TSC2: variants seen among roughly 807,000 people sequenced by gnomAD.
The protein encoded by TSC2 is tuberin.
Under a neutral mutation model 202.2 loss-of-function variants are expected in TSC2, and 29 were observed. The ratio of observed to expected loss-of-function variants is 0.14; its 90% CI spans 0.11 to 0.20. The LOEUF is 0.20. Ranked by LOEUF, TSC2 falls within the 10% of genes least tolerant of loss-of-function variation. TSC2 has a pLI of 1.00. For synonymous variants in TSC2, 1,349 were observed against 1,044.0 expected (o/e 1.29, Z -5.63); for missense variants, 2,429 against 2,420.0 (o/e 1.00, Z -0.08).
chr16:2,086,605 A>C lies in TSC2; in HGVS notation c.4850-127A>C, dbSNP rs1200255434. 2.0e-6 allele frequency: 3 copies of C among 1,477,386 alleles called. No individual in the cohort carries two copies. The African/African-American group carries it at 4.2e-5, about 21-fold the overall frequency. 91.5% of individuals were successfully genotyped at this position (1,477,386 alleles called of 1,614,324 possible). On this transcript the variant is annotated intron_variant, in intron 37 of 41. Transcript: ENST00000219476. ...TGGGGAGAGCCGAGGACCACTGGCC[A>C]GGCACCAGAGGACGTGGTCCCCGCA...
rs763863196 is a variant in TSC2 at position 2,070,487 on chromosome 16, C to T, written c.1748C>T (p.Ala583Val). 2.5e-6 allele frequency: 4 copies of T among 1,613,438 alleles called. No individual in the cohort carries two copies. Among genetic ancestry groups the T allele is most frequent in the Non-Finnish European group, 3.4e-6 (4 of 1,180,020 alleles). The part of the protein sequence containing the change: ...TKLYTLPASH[A>V]TRVYEMLVSH... ...CTGTACACCCTGCCTGCAAGCCACG[C>T]CACGCGTGTGTATGAGATGCTGGTC... is the stretch of plus-strand genomic sequence containing the variant. The change falls in exon 17 of 42, where the codon GCC becomes GTC. Residue 583 changes from alanine (A) to valine (V), a missense_variant. Coordinates refer to ENST00000219476, the MANE Select transcript of TSC2 (RefSeq NM_000548.5).
At chr16:2,077,023 C>T (rs192860045) in intron 25 of TSC2, among the ~76,000 whole-genome samples, 71 of 152,358 alleles carry the variant, frequency 4.7e-4, no homozygotes, top group Middle Eastern at 3.4e-3. Context: ...CTCCTGTCCC[C>T]CACCTTCCTG....
intron 13 of TSC2, 79 bp downstream of exon 13, chr16:2,062,679 C>G: frequency 6.9e-7 from 1 of 1,440,474 alleles, no homozygotes; most frequent in Non-Finnish European, 9.5e-7. Flanking sequence ...GGCTGGGTCT[C>G]AGGATGCCCG....
chr16:2,053,156 C>A (rs1418696656), intron 3 of TSC2, among the ~76,000 whole-genome samples, 186 bp from the exon 4 acceptor site: 3 of 152,150 alleles, frequency 2.0e-5, no homozygotes, highest in African/African-American at 7.2e-5. Flanking sequence ...TGAGCCGTTC[C>A]CTGTACGAAG....
Position 2,086,743 on chromosome 16 carries a change from A to G in TSC2, c.4861A>G (p.Ile1621Val), listed in dbSNP as rs1555516628. ...CTGCTCACCCTCAGCCGTCTTCCACATCGCCACCCTGATGCCCACCAAGGA... is the reference window on the plus strand; with the variant it reads ...CTGCTCACCCTCAGCCGTCTTCCACGTCGCCACCCTGATGCCCACCAAGGA... ...HDDIMQAVFH[I>V]ATLMPTKDVD... The change falls in exon 38 of 42, where the codon ATC (isoleucine) becomes GTC (valine). Residue 1621 changes from isoleucine to valine, a missense_variant. Coordinates refer to ENST00000219476, the MANE Select transcript of TSC2 (RefSeq NM_000548.5). 3.1e-6 allele frequency: 5 copies of G among 1,610,632 alleles called. No homozygotes were observed. The highest frequency in any genetic ancestry group is 4.2e-6 in the Non-Finnish European group (5 of 1,179,928).
At position 2,084,974 on chromosome 16, in the gene TSC2, A is replaced by G. The variant is rs2090581620; in HGVS notation, c.4517A>G (p.His1506Arg). 1 of 1,613,142 alleles carries G rather than the reference A, an allele frequency of 6.2e-7. No individual in the cohort carries two copies. The highest frequency in any genetic ancestry group is 1.7e-4 in the Middle Eastern group (1 of 6,060). The change falls in exon 35 of 42, where the codon CAT becomes CGT. Residue 1506 changes from histidine to arginine, a missense_variant. Physicochemically the swap from His to Arg is conservative, Grantham distance 29. Coordinates refer to ENST00000219476, the MANE Select transcript of TSC2 (RefSeq NM_000548.5). The part of the protein sequence containing the change: ...NPSFVFLQLY[H>R]SPFFGDESNK... ...AGTTTCGTGTTCCTGCAGCTCTACCATTCCCCCTTCTTTGGCGACGAGTCA... is the reference window on the plus strand; with the variant it reads ...AGTTTCGTGTTCCTGCAGCTCTACCGTTCCCCCTTCTTTGGCGACGAGTCA...
At chr16:2,069,412 G>T (rs2087877894) in intron 16 of TSC2, among the ~76,000 whole-genome samples, 1 of 151,978 alleles carries the variant, frequency 6.6e-6, no homozygotes, top group African/African-American at 2.4e-5. Flanking sequence ...CGCCTCCTGG[G>T]TTCAAGCGAT....
At chr16:2,063,081 G>C (rs564986177) in intron 14 of TSC2, 28 bp downstream of exon 14, 2 of 1,550,832 alleles carry the variant, frequency 1.3e-6, no homozygotes, top group Non-Finnish European at 1.7e-6. Flanking sequence ...CGCAGCTGGG[G>C]GCTCAGGGCT....
At chr16:2,076,939 G>A (rs2089472546) in intron 25 of TSC2, among the ~76,000 whole-genome samples, 1 of 152,222 alleles carries the variant, frequency 6.6e-6, no homozygotes, top group Non-Finnish European at 1.5e-5. Context: ...CTTCATCACC[G>A]CCGCCTTGCC....
rs58192244 is a variant in TSC2, at chr16:2,080,491, G to GT, written c.3610+124dup. ...CTTGGGATATTTGGGGGTAACTTTT[G>GT]TTTTTTTTTTGAGACAGAGTCTTGC... On this transcript the variant is annotated intron_variant, in intron 30 of 41. Coordinates refer to ENST00000219476, the MANE Select transcript of TSC2 (RefSeq NM_000548.5). 0.061 allele frequency: 60,483 copies of GT among 998,450 alleles called. 1,681 individuals carry two copies. The highest frequency in any genetic ancestry group is 0.27 in the African/African-American group (16,179 of 60,146). The allele number at this position is 998,450 out of a possible 1,614,324, so 61.8% of individuals were successfully genotyped here. A position where few individuals can be genotyped will look rare whatever the true frequency, so the allele number is the denominator to read the frequency against.
At chr16:2,088,348 A>C (rs2151634047) in intron 41 of TSC2, 23 bp downstream of exon 41, 1 of 1,612,444 alleles carries the variant, frequency 6.2e-7, no homozygotes, top group Non-Finnish European at 8.5e-7. Context: ...GGGCTCCCTC[A>C]GCGGGGTGTG....
chr16:2,078,275 C>T lies in TSC2; in HGVS notation c.2966+549C>T, dbSNP rs572081646. On this transcript the variant is annotated intron_variant, in intron 26 of 41. Transcript: ENST00000219476. ...GTGTCTGGGTGCAGGTGTGGGCTCTCGGGCTCTCGGCTGTCACCTGCCTGT... is the reference window on the plus strand; with the variant it reads ...GTGTCTGGGTGCAGGTGTGGGCTCTTGGGCTCTCGGCTGTCACCTGCCTGT... 8.5e-4 allele frequency: 141 copies of T among 165,788 alleles called. 2 individuals carry two copies. The South Asian group carries it at 9.8e-3, about 11-fold the overall frequency. 10.3% of individuals were successfully genotyped at this position (165,788 alleles called of 1,614,324 possible).
chr16:2,078,798 T>G (rs2089746350), intron 26 of TSC2: 1 of 590,496 alleles, frequency 1.7e-6, no homozygotes, highest in African/African-American at 1.9e-5. Flanking sequence ...TCTAGCCTCC[T>G]GAGTCTGCTC....
rs1418578535 is a variant in TSC2, at chr16:2,048,045, A to G, written c.-50A>G. 33 of 1,425,938 alleles carry G rather than the reference A, an allele frequency of 2.3e-5. No individual in the cohort carries two copies. The highest frequency in any genetic ancestry group is 4.6e-6 in the Non-Finnish European group (5 of 1,097,378). The allele number at this position is 1,425,938 out of a possible 1,614,324, so 88.3% of individuals were successfully genotyped here. On this transcript the variant is annotated 5_prime_UTR_variant, in exon 1 of 42. Transcript: ENST00000219476. ...CTTTCTCCGCGTCGGGGCGGCCCGG[A>G]GCGCGGTGGCGCGGCGCGGGGTAAG...
intron 15 of TSC2, chr16:2,064,663 G>C: frequency 1.5e-6 from 1 of 649,162 alleles, no homozygotes; most frequent in Non-Finnish European, 2.6e-6. Context: ...GGACAGCTGG[G>C]CTGGGCCTCC....
At chr16:2,077,223 C>T (rs958167860) in intron 25 of TSC2, among the ~76,000 whole-genome samples, 16 of 152,314 alleles carry the variant, frequency 1.1e-4, no homozygotes, top group African/African-American at 2.9e-4. Flanking sequence ...GCCTCAGTGC[C>T]GCCTCGGTCA....
rs2089820591 is a variant in TSC2 at position 2,079,269 on chromosome 16, C to T, written c.3132-7C>T. On this transcript the variant is annotated splice_region_variant and splice_polypyrimidine_tract_variant and intron_variant, in intron 27 of 41. Transcript: ENST00000219476. The surrounding 1 kb of genome is among the most constrained non-coding windows in gnomAD (Gnocchi z 4.6). ...GCAAGCTGGGTTTCACGCTCCCTGT[C>T]TTCTAGGTCTCCTGTGGGCGAGTTC... 2.5e-6 allele frequency: 4 copies of T among 1,612,890 alleles called. No homozygotes were observed. The highest frequency in any genetic ancestry group is 2.7e-5 in the African/African-American group (2 of 74,924).
intron 1 of TSC2, 195 bp from the exon 2 acceptor site, chr16:2,048,392 C>T (rs1330997411): frequency 2.4e-6 from 2 of 845,770 alleles, no homozygotes; most frequent in East Asian, 2.7e-5. Flanking sequence ...CTAGACCAGG[C>T]CTGGTGTCTC....
At position 2,065,563 on chromosome 16, in the gene TSC2, G is replaced by A. The variant is rs1447854292; in HGVS notation, c.1644G>A (p.Arg548=). The A allele has an allele frequency of 6.2e-7, 1 of 1,613,876 alleles. No homozygotes were observed. The highest frequency in any genetic ancestry group is 1.1e-5 in the South Asian group (1 of 91,080). ...CCCCACCCCCGGAGCTGGAAGAAAG[G>A]GATGTGGCCGCATACTCGGCCTCCT... ...SLSPPPELEE[R]DVAAYSASLE... Residue 548 remains arginine, a synonymous_variant, in exon 16 of 42, where the codon AGG becomes AGA. Transcript: ENST00000219476.
Sources: allele counts gnomAD v4.1 joint callset (sites outside exome capture counted in the v4.1 genomes callset), GRCh38; gene constraint gnomAD v4.1.1; non-coding constraint Gnocchi (gnomAD v3.1); transcripts MANE v1.5; gene names NCBI Gene and HGNC (gene_info 2026-07-23, HGNC 2026-07-21).